Variants in GJA8 observed in about 807,000 individuals in gnomAD.
The protein encoded by GJA8 is gap junction alpha-8 protein.
A neutral mutation model predicts 15.3 loss-of-function variants in GJA8; 13 were observed. That is an observed-to-expected ratio of 0.85 (90% CI 0.55 to 1.35). GJA8 has a LOEUF of 1.35. GJA8 is among the 40% of genes most tolerant of loss of function. GJA8 has a pLI of 0.00. For synonymous variants in GJA8, 304 were observed against 238.7 expected, an observed-to-expected ratio of 1.27 and a Z score of -2.52; for missense variants, 607 against 553.3, an observed-to-expected ratio of 1.10 and a Z score of -0.97.
the GJA8 span, among the ~76,000 whole-genome samples, chr1:147,914,410 C>T: frequency 1.3e-5 from 2 of 152,180 alleles, no homozygotes; most frequent in African/African-American, 4.8e-5. Context: ...ATTCTCCAAC[C>T]TTCCACATCC....
At chr1:147,911,213 G>A (rs981250213), downstream of GJA8, among the ~76,000 whole-genome samples, 2 of 152,118 alleles carry the variant, frequency 1.3e-5, no homozygotes, top group Admixed American at 6.5e-5. Flanking sequence ...TCCCAACCCC[G>A]ATCAGCATCA....
At chr1:147,903,476 G>A (rs989192) in intron 1 of GJA8, among the ~76,000 whole-genome samples, 19,094 of 152,102 alleles carry the variant, frequency 0.13, 1,374 homozygotes, top group South Asian at 0.19. Context: ...GCCATTGAAC[G>A]CTTTGGATAA....
chr1:147,907,460 G>A (rs1302277797), intron 1 of GJA8, among the ~76,000 whole-genome samples: 1 of 152,074 alleles, frequency 6.6e-6, no homozygotes, highest in Non-Finnish European at 1.5e-5. Context: ...TCAAACATAA[G>A]ATGGCCACAG....
At chr1:147,907,013 G>T (rs1553242357) in intron 1 of GJA8, among the ~76,000 whole-genome samples, 1 of 151,990 alleles carries the variant, frequency 6.6e-6, no homozygotes, top group Admixed American at 6.6e-5. Flanking sequence ...AGCCTCCCAA[G>T]TAGCTGGGAA....
chr1:147,904,590 T>C (rs1408382956), intron 1 of GJA8, among the ~76,000 whole-genome samples: 1 of 152,200 alleles, frequency 6.6e-6, no homozygotes, highest in Non-Finnish European at 1.5e-5. Flanking sequence ...AACAGAGAAT[T>C]ATCTCTGAGA....
At position 147,908,400 on chromosome 1, in the gene GJA8, A is replaced by G. The variant is rs1651904322; in HGVS notation, c.445A>G (p.Arg149Gly). 6 of 1,614,194 alleles carry G rather than the reference A, an allele frequency of 3.7e-6. No individual in the cohort carries two copies. The highest frequency in any genetic ancestry group is 5.1e-6 in the Non-Finnish European group (6 of 1,180,034). ...KKFRLEGTLL[R>G]TYICHIIFKT... The stretch of plus-strand genomic sequence containing the variant: ...GTTCCGGCTGGAGGGGACCCTGCTG[A>G]GGACCTACATCTGCCACATCATCTT... The change falls in exon 2 of 2, where the codon AGG (arginine) becomes GGG (glycine). Residue 149 changes from arginine (R) to glycine (G), a missense_variant. Physicochemically the swap from Arg to Gly is moderately radical, Grantham distance 125. Coordinates refer to ENST00000369235, the MANE Select transcript of GJA8 (RefSeq NM_005267.5).
rs1651965238 is a variant in GJA8, at chr1:147,909,014, A to G, written c.1059A>G (p.Ala353=). The change falls in exon 2 of 2, where the codon GCA becomes GCG. Residue 353 remains alanine (A), a synonymous_variant. Transcript: ENST00000369235. ...AGGTGGGAGAGAAGAAGGAGGAAGC[A>G]GAGAGGCTGACCACGGAGGAGCAGG... ...EPEVGEKKEE[A]ERLTTEEQEK... 4 of 1,595,506 alleles carry G rather than the reference A, an allele frequency of 2.5e-6. No individual in the cohort carries two copies. Among genetic ancestry groups the G allele is most frequent in the South Asian group, 1.1e-5 (1 of 89,022 alleles).
downstream of GJA8, among the ~76,000 whole-genome samples, chr1:147,912,053 T>C (rs587738667): frequency 6.6e-6 from 1 of 152,332 alleles, no homozygotes; most frequent in African/African-American, 2.4e-5. Context: ...CTGCATTTTT[T>C]TTCTATTTCT....
chr1:147,906,797 GT>G (rs1651815848), intron 1 of GJA8, among the ~76,000 whole-genome samples: 1 of 152,210 alleles, frequency 6.6e-6, no homozygotes, highest in South Asian at 2.1e-4. Flanking sequence ...CCCAGCCTTT[GT>G]GATCAAGCAA....
downstream of GJA8, among the ~76,000 whole-genome samples, chr1:147,914,021 G>A (rs1652283529): frequency 6.6e-6 from 1 of 152,138 alleles, no homozygotes; most frequent in Non-Finnish European, 1.5e-5. Flanking sequence ...TGGGTAAGAG[G>A]AAAGAAAAAC....
rs1350424372 is a variant in GJA8 at position 147,909,165 on chromosome 1, C to G, written c.1210C>G (p.Leu404Val). ...GCTGCCAGCTGAGAAGACACCTTCACTCTGTCCAGAGCTGACAACAGATGA... is the reference window on the plus strand; with the variant it reads ...GCTGCCAGCTGAGAAGACACCTTCAGTCTGTCCAGAGCTGACAACAGATGA... ...QGLPAEKTPS[L>V]CPELTTDDAR... The change falls in exon 2 of 2, where the codon CTC becomes GTC. Residue 404 changes from leucine to valine, a missense_variant. By Grantham distance (32) the Leu-to-Val change is conservative. Coordinates refer to ENST00000369235, the MANE Select transcript of GJA8 (RefSeq NM_005267.5). The G allele has an allele frequency of 4.3e-6, 7 of 1,611,916 alleles. No individual in the cohort carries two copies. The highest frequency in any genetic ancestry group is 1.3e-5 in the African/African-American group (1 of 74,794).
downstream of GJA8, among the ~76,000 whole-genome samples, chr1:147,909,882 T>C (rs1284128081): frequency 1.3e-5 from 2 of 152,178 alleles, no homozygotes; most frequent in Admixed American, 6.5e-5. Flanking sequence ...ACCTTTTTTT[T>C]AGACAGGCTC....
downstream of GJA8, chr1:147,909,368 T>C (rs587670745): frequency 2.0e-4 from 173 of 849,038 alleles, no homozygotes; most frequent in Non-Finnish European, 3.1e-4. Flanking sequence ...CACCAGCCTC[T>C]GGTTGGACAG....
In GJA8 at chr1:147,907,912, G is replaced by A. The variant is rs781982414; in HGVS notation, c.-11-33G>A. On this transcript the variant is annotated intron_variant, in intron 1 of 1. Coordinates refer to ENST00000369235, the MANE Select transcript of GJA8 (RefSeq NM_005267.5). ...ATTGACTCAGGGTTGCATTGCGGCC[G>A]CTCAGCTCTTGCCTTCTCCCTCATT... The A allele has an allele frequency of 2.6e-5, 38 of 1,481,848 alleles. 1 individual carries two copies. In the East Asian group the frequency reaches 2.9e-4, roughly 11 times the overall value. 91.8% of individuals were successfully genotyped at this position (1,481,848 alleles called of 1,614,324 possible). A position where few individuals can be genotyped will look rare whatever the true frequency, so the allele number is the denominator to read the frequency against.
downstream of GJA8, among the ~76,000 whole-genome samples, chr1:147,909,518 G>T (rs1652011324): frequency 6.6e-6 from 1 of 152,144 alleles, no homozygotes; most frequent in African/African-American, 2.4e-5. Context: ...TCCAACCCCA[G>T]CAGCTATGGG....
intron 1 of GJA8, among the ~76,000 whole-genome samples, chr1:147,904,770 T>C (rs1651726207): frequency 1.3e-5 from 2 of 152,202 alleles, no homozygotes; most frequent in East Asian, 3.8e-4. Flanking sequence ...GTAGGCCTGT[T>C]TCAACATCAT....
chr1:147,908,191 T>C lies in GJA8; in HGVS notation c.236T>C (p.Val79Ala). Residue 79 changes from valine to alanine, a missense_variant, in exon 2 of 2, where the codon GTG becomes GCG. Physicochemically the swap from Val to Ala is moderately conservative, Grantham distance 64 (BLOSUM62 0). Coordinates refer to ENST00000369235, the MANE Select transcript of GJA8 (RefSeq NM_005267.5). ...CCCATCTCCCACATTCGCCTCTGGG[T>C]GCTGCAGATCATCTTCGTCTCCACC... ...AFPISHIRLW[V>A]LQIIFVSTPS... 2 of 1,614,194 alleles carry C rather than the reference T, an allele frequency of 1.2e-6. No individual in the cohort carries two copies. Among genetic ancestry groups the C allele is most frequent in the Non-Finnish European group, 1.7e-6 (2 of 1,180,028 alleles).
Position 147,908,396 on chromosome 1 carries a change from G to A in GJA8, c.441G>A (p.Leu147=), listed in dbSNP as rs782367791. The change falls in exon 2 of 2, where the codon CTG becomes CTA. Residue 147 remains leucine (L), a synonymous_variant. Transcript: ENST00000369235. ...GTKKFRLEGT[L]LRTYICHIIF... is the part of the protein sequence containing the mutation. ...AGAAGTTCCGGCTGGAGGGGACCCTGCTGAGGACCTACATCTGCCACATCA... is the reference window on the plus strand; with the variant it reads ...AGAAGTTCCGGCTGGAGGGGACCCTACTGAGGACCTACATCTGCCACATCA... 1.9e-6 allele frequency: 3 copies of A among 1,614,204 alleles called. No homozygotes were observed. The highest frequency in any genetic ancestry group is 2.5e-6 in the Non-Finnish European group (3 of 1,180,036).
intron 1 of GJA8, among the ~76,000 whole-genome samples, chr1:147,906,677 T>C (rs1571174238): frequency 6.6e-6 from 1 of 152,152 alleles, no homozygotes; most frequent in South Asian, 2.1e-4. Flanking sequence ...TTAATAAGGG[T>C]TTCCAGATTT....
Sources: gnomAD v4.1 joint callset for allele counts (sites outside exome capture counted in the v4.1 genomes callset) on GRCh38, gnomAD v4.1.1 for gene constraint, MANE v1.5 for transcripts, NCBI Gene and HGNC (gene_info 2026-07-23, HGNC 2026-07-21) for gene names.